The following NAV2 variants were observed in gnomAD, a reference collection of about 807,000 sequenced individuals.
NAV2 encodes the protein neuron navigator 2.
Under a neutral mutation model 223.2 loss-of-function variants are expected in NAV2, and 54 were observed. The observed-to-expected ratio is 0.24, with a 90% confidence interval of 0.19 to 0.30. NAV2 has a LOEUF of 0.30. Among genes scored for constraint, NAV2 ranks in the 10% least tolerant of loss-of-function variants. NAV2 has a pLI of 1.00. For synonymous variants in NAV2, 1,279 were observed against 1,239.3 expected, an observed-to-expected ratio of 1.03 and a Z score of -0.67; for missense variants, 2,806 against 3,147.5, an observed-to-expected ratio of 0.89 and a Z score of 2.60.
At chr11:19,371,827 G>C (rs1848482013) in intron 1 of NAV2, among the ~76,000 whole-genome samples, 1 of 146,018 alleles carries the variant, frequency 6.8e-6, no homozygotes, top group Non-Finnish European at 1.5e-5. Context: ...GCTGGAGCTG[G>C]AGTACAGTGG....
At chr11:19,871,638 T>C (rs968810984) in intron 4 of NAV2, among the ~76,000 whole-genome samples, 3 of 152,138 alleles carry the variant, frequency 2.0e-5, no homozygotes, top group Middle Eastern at 3.2e-3. Context: ...GTACCTACCA[T>C]AGGACTAGCA....
chr11:19,799,009 G>T (rs2049058441), intron 1 of NAV2, among the ~76,000 whole-genome samples: 1 of 152,212 alleles, frequency 6.6e-6, no homozygotes, highest in African/African-American at 2.4e-5. Flanking sequence ...TTAAGGAGAA[G>T]AGGTGAGCAG....
chr11:20,111,357 G>C lies in NAV2; in HGVS notation c.6961-3235G>C, dbSNP rs79016107. On this transcript the variant is annotated intron_variant, in intron 36 of 37. Coordinates refer to ENST00000349880, the MANE Select transcript of NAV2 (RefSeq NM_145117.5). ...CCTCCCCTCTGTGTCTGTCTGTCCA[G>C]ATGTCTCTGCTGCTGCCCTCGGGGC... 8.0e-3 allele frequency among the ~76,000 whole-genome samples: 1,219 copies of C among 152,320 alleles called. 15 individuals are homozygous for C. Among genetic ancestry groups the C allele is most frequent in the African/African-American group, 0.028 (1,172 of 41,572 alleles).
At chr11:19,508,669 CT>C (rs1331577491) in intron 1 of NAV2, among the ~76,000 whole-genome samples, 1 of 152,150 alleles carries the variant, frequency 6.6e-6, no homozygotes, top group African/African-American at 2.4e-5. Flanking sequence ...ACCTGTCTGC[CT>C]TTTGTATCAC....
At chr11:20,089,430 T>C (rs1430792411) in intron 26 of NAV2, among the ~76,000 whole-genome samples, 1 of 152,234 alleles carries the variant, frequency 6.6e-6, no homozygotes, top group Non-Finnish European at 1.5e-5. Context: ...TCATTTTCCT[T>C]TGGGAATTAA....
At chr11:19,584,094 G>C (rs1353112005) in intron 1 of NAV2, among the ~76,000 whole-genome samples, 1 of 152,094 alleles carries the variant, frequency 6.6e-6, no homozygotes, top group Non-Finnish European at 1.5e-5. Context: ...ACTTCTTCCT[G>C]GTTTAGTCTT....
chr11:19,928,697 G>T (rs1025263414), intron 6 of NAV2, among the ~76,000 whole-genome samples: 2 of 152,204 alleles, frequency 1.3e-5, no homozygotes, highest in South Asian at 2.1e-4. Context: ...TCACCCAGCT[G>T]CAGGGGTCGT....
intron 1 of NAV2, among the ~76,000 whole-genome samples, chr11:19,668,311 G>A (rs1197108609): frequency 6.6e-6 from 1 of 152,110 alleles, no homozygotes; most frequent in African/African-American, 2.4e-5. Context: ...GCCAAGGCGG[G>A]TGGATCACCT....
At chr11:19,535,917 C>T (rs2044173557) in intron 1 of NAV2, among the ~76,000 whole-genome samples, 1 of 151,984 alleles carries the variant, frequency 6.6e-6, no homozygotes, top group Admixed American at 6.5e-5. Flanking sequence ...ACAGAGCAGA[C>T]TGGGCCAAGG....
Position 19,566,999 on chromosome 11 carries a change from G to C in NAV2, c.75+215972G>C, listed in dbSNP as rs2045288462. 2.0e-5 allele frequency among the ~76,000 whole-genome samples: 3 copies of C among 152,186 alleles called. No homozygotes were observed. In the South Asian group the frequency reaches 6.2e-4, roughly 32 times the overall value. ...AGCTGTCACTTTTGCAGGCAATAAGGATACCTTTCTGGAACGAGAAATCTA... is the reference window on the plus strand; with the variant it reads ...AGCTGTCACTTTTGCAGGCAATAAGCATACCTTTCTGGAACGAGAAATCTA... On this transcript the variant is annotated intron_variant, in intron 1 of 37. Coordinates refer to the NAV2 transcript ENST00000360655.
Position 19,509,164 on chromosome 11 carries a change from C to T in NAV2, c.75+158137C>T, listed in dbSNP as rs116065296. On this transcript the variant is annotated intron_variant, in intron 1 of 37. Transcript: ENST00000360655. ...TTACTCTGGACTTCAGTGTCCTCTT[C>T]TGTAAAATGGGGTTGGGGATGAGTG... Among the ~76,000 whole-genome samples, 1,480 of 152,314 alleles carry T rather than the reference C, an allele frequency of 9.7e-3. 21 individuals are homozygous for T. Among genetic ancestry groups the T allele is most frequent in the African/African-American group, 0.034 (1,408 of 41,570 alleles).
intron 1 of NAV2, among the ~76,000 whole-genome samples, chr11:19,451,325 C>T (rs1298989717): frequency 8.5e-5 from 13 of 152,112 alleles, no homozygotes; most frequent in African/African-American, 3.1e-4. Flanking sequence ...TTACTTGTAT[C>T]CCCCAAGCAG....
At chr11:19,591,235 A>G (rs893941996) in intron 1 of NAV2, 3 of 152,242 alleles carry the variant, frequency 2.0e-5, no homozygotes, top group Admixed American at 1.3e-4. Context: ...ATGCAGCCCC[A>G]TTAACAATCT....
chr11:19,984,092 A>C (rs1027938549), intron 10 of NAV2, 33 bp from the exon 11 acceptor site: 1 of 1,613,738 alleles, frequency 6.2e-7, no homozygotes, highest in South Asian at 1.1e-5. Flanking sequence ...TGCTTTGGAC[A>C]TTCATGTGCA....
intron 1 of NAV2, among the ~76,000 whole-genome samples, chr11:19,560,921 CTTCT>C (rs1474478019): frequency 6.6e-6 from 1 of 152,204 alleles, no homozygotes; most frequent in East Asian, 1.9e-4. Context: ...ATTGAACAGG[CTTCT>C]TTCTTCAGGA....
chr11:19,933,995 A>C lies in NAV2; in HGVS notation c.1751A>C (p.Lys584Thr), dbSNP rs771446327. Reference sequence around the variant, plus strand: ...TCCCCAAGTGCCCCAGCGCCTTCCAAGGAAGGGGAGCGGAGCCGGAGTGGG... The same window carrying C: ...TCCCCAAGTGCCCCAGCGCCTTCCACGGAAGGGGAGCGGAGCCGGAGTGGG... ...GKSPSAPAPS[K>T]EGERSRSGKL... The change falls in exon 7 of 38, where the codon AAG (lysine) becomes ACG (threonine). Residue 584 changes from lysine (K) to threonine (T), a missense_variant. Physicochemically the swap from Lys to Thr is moderately conservative, Grantham distance 78 (BLOSUM62 -1). Transcript: ENST00000349880. The surrounding 1 kb of genome is among the most constrained non-coding windows in gnomAD (Gnocchi z 4.3). 4 of 1,595,680 alleles carry C rather than the reference A, an allele frequency of 2.5e-6. No homozygotes were observed. In the East Asian group the frequency reaches 6.7e-5, roughly 27 times the overall value.
chr11:19,611,691 C>T (rs974046048), intron 1 of NAV2, among the ~76,000 whole-genome samples: 1 of 152,212 alleles, frequency 6.6e-6, no homozygotes, highest in African/African-American at 2.4e-5. Context: ...GGTGGGTTCC[C>T]ATGGTCTTGG....
intron 11 of NAV2, among the ~76,000 whole-genome samples, chr11:20,008,657 A>G (rs1459312570): frequency 1.3e-5 from 2 of 152,146 alleles, no homozygotes; most frequent in Non-Finnish European, 2.9e-5. Context: ...GAGATGACTA[A>G]ATTTAGACTT....
intron 1 of NAV2, among the ~76,000 whole-genome samples, chr11:19,644,302 C>A (rs891604563): frequency 6.6e-6 from 1 of 152,212 alleles, no homozygotes; most frequent in Non-Finnish European, 1.5e-5. Flanking sequence ...GTGTATAGCC[C>A]CTCTGGATGT....
Sources: allele counts gnomAD v4.1 joint callset (sites outside exome capture counted in the v4.1 genomes callset), GRCh38; gene constraint gnomAD v4.1.1; non-coding constraint Gnocchi (gnomAD v3.1); transcripts MANE v1.5; gene names NCBI Gene and HGNC (gene_info 2026-07-23, HGNC 2026-07-21).